Variants in ADGRV1 observed in about 807,000 individuals in gnomAD.
ADGRV1 encodes the protein G-protein coupled receptor 98.
Under a neutral mutation model 596.2 loss-of-function variants are expected in ADGRV1, and 359 were observed. The observed-to-expected ratio is 0.60, with a 90% CI of 0.55 to 0.66. The LOEUF (loss-of-function observed/expected upper bound fraction) is 0.66, where lower values mean the gene tolerates loss of function less well. Ranked by LOEUF, ADGRV1 falls within the 30% of genes least tolerant of loss-of-function variation. ADGRV1 has a pLI of 0.00. For missense variants in ADGRV1, 7,274 were observed against 7,575.6 expected (o/e 0.96, Z 1.48); for synonymous variants, 2,681 against 2,679.2 (o/e 1.00, Z -0.02).
chr5:90,961,958 GA>G (rs973288734), intron 83 of ADGRV1, among the ~76,000 whole-genome samples: 1 of 152,156 alleles, frequency 6.6e-6, no homozygotes, highest in African/African-American at 2.4e-5. Context: ...AACGAATTGA[GA>G]AACAGTGACC....
At chr5:90,825,192 C>T (rs1250842663) in intron 76 of ADGRV1, among the ~76,000 whole-genome samples, 1 of 152,208 alleles carries the variant, frequency 6.6e-6, no homozygotes, top group African/African-American at 2.4e-5. Context: ...CCACCTTGGC[C>T]TCCCAATGTG....
intron 87 of ADGRV1, among the ~76,000 whole-genome samples, chr5:91,114,520 G>C (rs1296381993): frequency 6.6e-6 from 1 of 152,042 alleles, no homozygotes; most frequent in Non-Finnish European, 1.5e-5. Context: ...GAGCAACTCT[G>C]TCAAAAGAAA....
At chr5:90,691,883 C>T (rs1439139091) in intron 31 of ADGRV1, among the ~76,000 whole-genome samples, 9 of 151,978 alleles carry the variant, frequency 5.9e-5, no homozygotes. Flanking sequence ...GATGAAGCAG[C>T]AAGGTAGCAA....
At position 90,791,115 on chromosome 5, in the gene ADGRV1, A is replaced by G. The variant is rs547133038; in HGVS notation, c.14286A>G (p.Gly4762=). The G allele has an allele frequency of 2.1e-5, 34 of 1,613,950 alleles. 1 individual carries two copies. In the African/African-American group the frequency reaches 3.6e-4, roughly 17 times the overall value. The stretch of plus-strand genomic sequence containing the variant: ...TTTATGCAAATGATGACCCACATGG[A>G]GTATTTGCCCTGTATTCGGATCGCC... ...FSVYANDDPH[G]VFALYSDRQS... The change falls in exon 70 of 90, where the codon GGA becomes GGG. Residue 4762 remains glycine, a synonymous_variant. Transcript: ENST00000405460.
intron 48 of ADGRV1, among the ~76,000 whole-genome samples, chr5:90,726,653 A>ATG (rs55927110): frequency 0.3 from 44,923 of 147,532 alleles, 7,065 homozygotes; most frequent in Admixed American, 0.47. Flanking sequence ...CTCTCTGGGT[A>ATG]TGTGTGTGTG....
At chr5:90,588,920 T>C (rs1759120034) in intron 1 of ADGRV1, among the ~76,000 whole-genome samples, 1 of 152,036 alleles carries the variant, frequency 6.6e-6, no homozygotes. Context: ...CCTTATAACC[T>C]CAGAATTCTC....
At chr5:90,579,169 G>C (rs1234544620) in intron 1 of ADGRV1, among the ~76,000 whole-genome samples, 1 of 151,566 alleles carries the variant, frequency 6.6e-6, no homozygotes, top group African/African-American at 2.4e-5. Flanking sequence ...GTTTGCTCTT[G>C]CTTCTCTAGT....
At position 90,642,879 on chromosome 5, in the gene ADGRV1, C is replaced by T. The variant is rs376530220; in HGVS notation, c.2391C>T (p.His797=). 6.2e-7 allele frequency: 1 copy of T among 1,608,308 alleles called. No homozygotes were observed. The highest frequency in any genetic ancestry group is 8.5e-7 in the Non-Finnish European group (1 of 1,177,344). ...VIKEGESVEL[H]IIRSRGSLVK... Reference sequence around the variant, plus strand: ...AGGAAGGAGAATCTGTAGAGCTCCACATCATCCGATCAAGGGGGTCCCTTG... The same window carrying T: ...AGGAAGGAGAATCTGTAGAGCTCCATATCATCCGATCAAGGGGGTCCCTTG... Residue 797 remains histidine, a synonymous_variant, in exon 13 of 90, where the codon CAC becomes CAT. Transcript: ENST00000405460.
intron 25 of ADGRV1, among the ~76,000 whole-genome samples, chr5:90,679,033 A>G (rs1580708066): frequency 6.6e-6 from 1 of 152,166 alleles, no homozygotes; most frequent in East Asian, 1.9e-4. Context: ...GACTCTTTCC[A>G]CAATGCCAGT....
chr5:90,635,197 A>G lies in ADGRV1; in HGVS notation c.1923A>G (p.Leu641=). ...TTGGGGAAATCTGCAATATTTCTTT[A>G]CTGGTTACTCCAGCCATTGCAAATG... ...PRFGEICNIS[L]LVTPAIANGE... is the part of the protein sequence containing the mutation. The change falls in exon 10 of 90, where the codon TTA becomes TTG. Residue 641 remains leucine (L), a synonymous_variant. Transcript: ENST00000405460. 6.2e-7 allele frequency: 1 copy of G among 1,612,962 alleles called. No homozygotes were observed. Among genetic ancestry groups the G allele is most frequent in the East Asian group, 2.2e-5 (1 of 44,856 alleles).
intron 85 of ADGRV1, among the ~76,000 whole-genome samples, chr5:90,985,878 T>G (rs1339103146): frequency 6.6e-6 from 1 of 151,924 alleles, no homozygotes; most frequent in Non-Finnish European, 1.5e-5. Context: ...CTCTAAGCAG[T>G]GTGTTTTTGG....
intron 83 of ADGRV1, among the ~76,000 whole-genome samples, chr5:90,933,557 A>G (rs1193243008): frequency 1.3e-5 from 2 of 152,040 alleles, no homozygotes; most frequent in African/African-American, 4.8e-5. Flanking sequence ...ACCTAGTAGA[A>G]TTTTTCTCCA....
intron 85 of ADGRV1, among the ~76,000 whole-genome samples, chr5:90,991,874 A>T (rs1346514093): frequency 6.6e-6 from 1 of 152,234 alleles, no homozygotes; most frequent in East Asian, 1.9e-4. Flanking sequence ...AAAGAGAATC[A>T]TGAAAAAAAA....
intron 59 of ADGRV1, among the ~76,000 whole-genome samples, chr5:90,772,242 A>T (rs1332717875): frequency 1.3e-5 from 2 of 152,154 alleles, no homozygotes; most frequent in Non-Finnish European, 1.5e-5. Context: ...TGGTGTTTTC[A>T]TGGTCATTCA....
rs547463209 is a variant in ADGRV1, at chr5:90,612,920, A to T, written c.23-1915A>T. On this transcript the variant is annotated intron_variant, in intron 1 of 89. Coordinates refer to ENST00000405460, the MANE Select transcript of ADGRV1 (RefSeq NM_032119.4). ...GTGAATTATACCAAGGATGAGTTGGATCAGAATTAATAGGGCTACTTGTTA... is the reference window on the plus strand; with the variant it reads ...GTGAATTATACCAAGGATGAGTTGGTTCAGAATTAATAGGGCTACTTGTTA... 1.3e-3 allele frequency among the ~76,000 whole-genome samples: 202 copies of T among 152,192 alleles called. 1 individual carries two copies. Among genetic ancestry groups the T allele is most frequent in the African/African-American group, 4.6e-3 (193 of 41,568 alleles).
intron 76 of ADGRV1, 62 bp from the exon 77 acceptor site, chr5:90,828,882 A>G: frequency 9.4e-7 from 1 of 1,065,434 alleles, no homozygotes. Context: ...AAATATCAGA[A>G]CTATCTACAG....
intron 83 of ADGRV1, among the ~76,000 whole-genome samples, chr5:90,947,821 T>A (rs911956674): frequency 1.1e-4 from 17 of 152,146 alleles, no homozygotes; most frequent in African/African-American, 3.9e-4. Flanking sequence ...ATATCATCAA[T>A]CATTGATGTT....
rs925906709 is a variant in ADGRV1 at position 91,150,267 on chromosome 5, C to G, written c.18624+46C>G. The stretch of plus-strand genomic sequence containing the variant: ...ATTCTCTGTCTCTCTGTCTCTGTCT[C>G]TCTCTCTCTCTCTGTCTGTCTCTCT... On this transcript the variant is annotated intron_variant, in intron 88 of 89. Coordinates refer to ENST00000405460, the MANE Select transcript of ADGRV1 (RefSeq NM_032119.4). 37 of 1,265,232 alleles carry G rather than the reference C, an allele frequency of 2.9e-5. No homozygotes were observed. The African/African-American group carries it at 3.0e-4, about 10-fold the overall frequency. 78.4% of individuals were successfully genotyped at this position (1,265,232 alleles called of 1,614,324 possible).
At chr5:90,826,584 C>G (rs867120617) in intron 76 of ADGRV1, among the ~76,000 whole-genome samples, 2 of 151,864 alleles carry the variant, frequency 1.3e-5, no homozygotes, top group African/African-American at 2.4e-5. Context: ...GCACAGCTCT[C>G]GGCAGAGTTG....
Sources: gnomAD v4.1 joint callset for allele counts (sites outside exome capture counted in the v4.1 genomes callset) on GRCh38, gnomAD v4.1.1 for gene constraint, MANE v1.5 for transcripts, NCBI Gene and HGNC (gene_info 2026-07-23, HGNC 2026-07-21) for gene names.